Variants in LRRC36 observed in about 807,000 individuals in gnomAD.
The protein encoded by LRRC36 is leucine-rich repeat-containing protein 36.
Under a neutral mutation model 81.1 loss-of-function variants are expected in LRRC36, and 62 were observed. That is an observed-to-expected ratio of 0.76 (90% CI 0.62 to 0.94). The LOEUF (loss-of-function observed/expected upper bound fraction) is 0.94, where lower values mean the gene tolerates loss of function less well. LRRC36 is among the 40% of genes least tolerant of loss of function. The probability of loss-of-function intolerance (pLI) is 0.00; values close to 1 mark genes in which losing one functional copy is unlikely to be tolerated. For missense variants in LRRC36, 761 were observed against 881.7 expected (o/e 0.86, Z 1.73); for synonymous variants, 334 against 348.6 (o/e 0.96, Z 0.47).
chr16:67,372,901 CTT>C (rs1451500899), intron 9 of LRRC36, among the ~76,000 whole-genome samples: 5 of 152,128 alleles, frequency 3.3e-5, no homozygotes, highest in Non-Finnish European at 5.9e-5. Context: ...TTTTTGGCCT[CTT>C]TTCATTCTCA....
chr16:67,360,035 G>A (rs2039073169), intron 5 of LRRC36, among the ~76,000 whole-genome samples: 1 of 151,842 alleles, frequency 6.6e-6, no homozygotes, highest in Non-Finnish European at 1.5e-5. Flanking sequence ...TGAGGCGGGA[G>A]AATTGCTTGA....
intron 5 of LRRC36, among the ~76,000 whole-genome samples, chr16:67,354,272 A>G (rs538684909): frequency 3.6e-4 from 55 of 151,920 alleles, no homozygotes; most frequent in East Asian, 7.8e-4. Flanking sequence ...ATCCATTTTA[A>G]TGAAACTTTT....
chr16:67,378,015 G>A (rs1243826091), intron 11 of LRRC36, among the ~76,000 whole-genome samples: 2 of 152,100 alleles, frequency 1.3e-5, no homozygotes, highest in African/African-American at 4.8e-5. Context: ...TAAGAATGCT[G>A]GCCATTTGTC....
intron 5 of LRRC36, among the ~76,000 whole-genome samples, chr16:67,356,814 A>G (rs1290452948): frequency 6.6e-6 from 1 of 152,204 alleles, no homozygotes; most frequent in African/African-American, 2.4e-5. Flanking sequence ...CAGTGGGCAT[A>G]GTTGAGGGGA....
At chr16:67,358,044 A>G (rs2038978082) in intron 5 of LRRC36, among the ~76,000 whole-genome samples, 1 of 152,214 alleles carries the variant, frequency 6.6e-6, no homozygotes, top group South Asian at 2.1e-4. Flanking sequence ...TTTGTATCTG[A>G]AGAAAAAGAA....
At chr16:67,332,701 G>A (rs1356371564) in intron 1 of LRRC36, among the ~76,000 whole-genome samples, 1 of 151,998 alleles carries the variant, frequency 6.6e-6, no homozygotes. Flanking sequence ...ATGTTAAAAT[G>A]TCTGCTCTTC....
At chr16:67,343,288 A>C (rs2038179287) in intron 2 of LRRC36, among the ~76,000 whole-genome samples, 1 of 152,150 alleles carries the variant, frequency 6.6e-6, no homozygotes, top group African/African-American at 2.4e-5. Flanking sequence ...AGGGCTGGGC[A>C]CGGTGACTCA....
chr16:67,362,891 C>T (rs1242573579), intron 5 of LRRC36, among the ~76,000 whole-genome samples: 1 of 152,140 alleles, frequency 6.6e-6, no homozygotes, highest in Non-Finnish European at 1.5e-5. Flanking sequence ...AATTCTCCTG[C>T]CTTAGCCTCC....
intron 4 of LRRC36, among the ~76,000 whole-genome samples, chr16:67,349,419 G>C (rs1336488163): frequency 6.6e-6 from 1 of 151,998 alleles, no homozygotes; most frequent in Non-Finnish European, 1.5e-5. Context: ...TAAAGCATCT[G>C]ATACATACAG....
intron 1 of LRRC36, among the ~76,000 whole-genome samples, chr16:67,328,104 C>T (rs539962520): frequency 3.9e-5 from 6 of 152,048 alleles, no homozygotes; most frequent in South Asian, 2.1e-4. Context: ...GAAGGATATA[C>T]TAGAGCATGT....
intron 5 of LRRC36, among the ~76,000 whole-genome samples, chr16:67,355,258 C>T (rs1204871061): frequency 6.7e-6 from 1 of 150,050 alleles, no homozygotes; most frequent in African/African-American, 2.4e-5. Flanking sequence ...AAGTTTTCAA[C>T]TCATTTGAGT....
intron 3 of LRRC36, 107 bp from the exon 4 acceptor site, chr16:67,347,388 T>A (rs1352367337): frequency 2.2e-5 from 34 of 1,547,784 alleles, no homozygotes; most frequent in Non-Finnish European, 2.9e-5. Context: ...CACACCAAGA[T>A]GAGACTGGTC....
chr16:67,334,767 A>T (rs1321508664), intron 1 of LRRC36, among the ~76,000 whole-genome samples: 1 of 152,014 alleles, frequency 6.6e-6, no homozygotes, highest in Admixed American at 6.6e-5. Flanking sequence ...GCTCTTTTCT[A>T]TTTTCCCTAA....
chr16:67,351,349 T>C (rs2038622881), intron 5 of LRRC36, among the ~76,000 whole-genome samples: 1 of 152,238 alleles, frequency 6.6e-6, no homozygotes, highest in African/African-American at 2.4e-5. Context: ...GTTTATAACA[T>C]GTATTTTATT....
Position 67,346,526 on chromosome 16 carries a change from C to G in LRRC36, c.391+78C>G, listed in dbSNP as rs2038356249. The stretch of plus-strand genomic sequence containing the variant: ...GCCCCTTAACCTTTTGGATGTTGGC[C>G]CACAGTGTGCACTGGCAGGATATAT... On this transcript the variant is annotated intron_variant, in intron 3 of 13. Transcript: ENST00000329956. 5 of 854,910 alleles carry G rather than the reference C, an allele frequency of 5.8e-6. No individual in the cohort carries two copies. The East Asian group carries it at 1.3e-4, about 22-fold the overall frequency. The allele number at this position is 854,910 out of a possible 1,614,324, so 53.0% of individuals were successfully genotyped here.
chr16:67,374,991 G>A (rs1350919108), intron 9 of LRRC36, among the ~76,000 whole-genome samples: 2 of 151,818 alleles, frequency 1.3e-5, no homozygotes, highest in Non-Finnish European at 2.9e-5. Flanking sequence ...TTAGCCGGGT[G>A]TGGTGGCACA....
At chr16:67,361,092 G>T (rs8053025) in intron 5 of LRRC36, among the ~76,000 whole-genome samples, 12,826 of 152,184 alleles carry the variant, frequency 0.084, 1,780 homozygotes, top group African/African-American at 0.29. Context: ...AGGCTGGAGT[G>T]CAGTGGCACA....
intron 1 of LRRC36, among the ~76,000 whole-genome samples, chr16:67,327,370 A>G (rs914811920): frequency 6.6e-6 from 1 of 151,944 alleles, no homozygotes; most frequent in African/African-American, 2.4e-5. Flanking sequence ...GTTCAAGTCT[A>G]TAATCCCAGC....
intron 3 of LRRC36, among the ~76,000 whole-genome samples, chr16:67,346,834 A>G (rs2038371268): frequency 6.6e-6 from 1 of 152,132 alleles, no homozygotes; most frequent in Non-Finnish European, 1.5e-5. Context: ...ATTCCTTCAA[A>G]TGAGCTGGTC....
Sources: gnomAD v4.1 joint callset for allele counts (sites outside exome capture counted in the v4.1 genomes callset) on GRCh38, gnomAD v4.1.1 for gene constraint, MANE v1.5 for transcripts, NCBI Gene and HGNC (gene_info 2026-07-23, HGNC 2026-07-21) for gene names.